PTPRD: variants seen among roughly 807,000 people sequenced by gnomAD.
PTPRD encodes the protein receptor-type tyrosine-protein phosphatase delta.
In PTPRD, 34 loss-of-function variants were observed where a neutral mutation model predicts 214.5. The observed-to-expected ratio is 0.16, with a 90% CI of 0.12 to 0.21. The LOEUF is 0.21. PTPRD is among the 10% of genes least tolerant of loss of function. The pLI, the probability that PTPRD is intolerant of heterozygous loss-of-function variation, is 1.00. For missense variants in PTPRD, 2,545 were observed against 2,398.7 expected (o/e 1.06, Z -1.27); for synonymous variants, 1,128 against 845.7 (o/e 1.33, Z -5.79).
intron 9 of PTPRD, among the ~76,000 whole-genome samples, chr9:9,326,175 A>T (rs1329021754): frequency 1.3e-5 from 2 of 152,138 alleles, no homozygotes; most frequent in Admixed American, 1.3e-4. Flanking sequence ...AGTGTGACTT[A>T]ATGAAGGGAA....
At chr9:8,603,317 GA>G (rs947800272) in intron 14 of PTPRD, among the ~76,000 whole-genome samples, 6 of 151,960 alleles carry the variant, frequency 3.9e-5, no homozygotes, top group South Asian at 2.1e-4. Context: ...AATTGCAAAA[GA>G]AAAAAATCTA....
intron 11 of PTPRD, among the ~76,000 whole-genome samples, chr9:8,946,594 C>T (rs1164245379): frequency 6.6e-6 from 1 of 152,134 alleles, no homozygotes; most frequent in Non-Finnish European, 1.5e-5. Context: ...ATTCTTCTAT[C>T]CCCAAGGAAG....
chr9:9,509,987 A>G (rs1304039867), intron 8 of PTPRD, among the ~76,000 whole-genome samples: 1 of 151,554 alleles, frequency 6.6e-6, no homozygotes, highest in Non-Finnish European at 1.5e-5. Flanking sequence ...ACAAAGCAAG[A>G]AGAGTGAGAA....
intron 3 of PTPRD, among the ~76,000 whole-genome samples, chr9:10,324,638 T>G (rs1189192175): frequency 6.6e-6 from 1 of 152,026 alleles, no homozygotes; most frequent in Non-Finnish European, 1.5e-5. Flanking sequence ...TCCCTATATT[T>G]CACCAAATGC....
chr9:9,897,845 A>G (rs1298665100), intron 5 of PTPRD, among the ~76,000 whole-genome samples: 1 of 152,108 alleles, frequency 6.6e-6, no homozygotes, highest in Non-Finnish European at 1.5e-5. Flanking sequence ...AGCATTGGTA[A>G]GCTTTCCTCT....
intron 7 of PTPRD, among the ~76,000 whole-genome samples, chr9:9,692,777 AT>A (rs913161103): frequency 1.3e-5 from 2 of 151,256 alleles, no homozygotes; most frequent in African/African-American, 4.9e-5. Flanking sequence ...AATTGTTTCC[AT>A]TTTTTTTAGT....
At chr9:8,512,201 G>A (rs1235201958) in intron 21 of PTPRD, among the ~76,000 whole-genome samples, 1 of 151,980 alleles carries the variant, frequency 6.6e-6, no homozygotes, top group Non-Finnish European at 1.5e-5. Context: ...AAAACCGACA[G>A]CCAGAATTAT....
At chr9:9,976,899 T>C (rs1480067810) in intron 4 of PTPRD, among the ~76,000 whole-genome samples, 3 of 151,918 alleles carry the variant, frequency 2.0e-5, no homozygotes, top group African/African-American at 4.8e-5. Flanking sequence ...CACAACAAAT[T>C]TGATTTGGCG....
intron 3 of PTPRD, among the ~76,000 whole-genome samples, chr9:10,071,296 G>A (rs2154179588): frequency 6.6e-6 from 1 of 152,084 alleles, no homozygotes; most frequent in Admixed American, 6.6e-5. Flanking sequence ...TGTGGAAAGG[G>A]AGAAGGCATA....
chr9:8,331,808 A>AAGAACAATCATTTTCATTTCCCGAAAAC, intron 43 of PTPRD, 72 bp from the exon 44 acceptor site: 1 of 1,471,436 alleles, frequency 6.8e-7, no homozygotes. Flanking sequence ...TACGGACCAC[A>AAGAACAATCATTTTCATTTCCCGAAAAC]AGAACAATCA....
chr9:9,762,988 A>G (rs2098673229), intron 6 of PTPRD, among the ~76,000 whole-genome samples: 1 of 152,210 alleles, frequency 6.6e-6, no homozygotes, highest in African/African-American at 2.4e-5. Context: ...GGTGGTTGCC[A>G]TCTTGCTGTG....
intron 9 of PTPRD, among the ~76,000 whole-genome samples, chr9:9,316,560 G>T (rs1963248819): frequency 1.3e-5 from 2 of 152,080 alleles, no homozygotes; most frequent in South Asian, 4.1e-4. Flanking sequence ...CACAAGACCA[G>T]TTTTTACCCT....
chr9:8,624,056 T>C (rs1488950161), intron 14 of PTPRD, among the ~76,000 whole-genome samples: 1 of 151,946 alleles, frequency 6.6e-6, no homozygotes, highest in African/African-American at 2.4e-5. Context: ...GTCTGTGACC[T>C]AGATGTCATA....
intron 2 of PTPRD, among the ~76,000 whole-genome samples, chr9:10,572,152 A>G (rs1781538041): frequency 6.6e-6 from 1 of 152,180 alleles, no homozygotes; most frequent in Non-Finnish European, 1.5e-5. Flanking sequence ...ATGTATGACT[A>G]AGAACTCATG....
At chr9:9,435,223 G>A (rs1007183130) in intron 8 of PTPRD, among the ~76,000 whole-genome samples, 5 of 151,980 alleles carry the variant, frequency 3.3e-5, no homozygotes, top group African/African-American at 1.2e-4. Flanking sequence ...TAAAACGCCA[G>A]GACCCGGCTG....
At chr9:8,475,040 T>A (rs960822459) in intron 30 of PTPRD, among the ~76,000 whole-genome samples, 4 of 152,062 alleles carry the variant, frequency 2.6e-5, no homozygotes, top group African/African-American at 4.8e-5. Context: ...ACAAACCACA[T>A]CCCACTCTAG....
chr9:9,947,982 T>C (rs2093006947), intron 4 of PTPRD, among the ~76,000 whole-genome samples: 1 of 151,852 alleles, frequency 6.6e-6, no homozygotes, highest in Admixed American at 6.6e-5. Flanking sequence ...TGCAGGAATA[T>C]CCTGGTAGCA....
chr9:8,590,260 T>C (rs1209257990), intron 14 of PTPRD, among the ~76,000 whole-genome samples: 1 of 152,156 alleles, frequency 6.6e-6, no homozygotes, highest in Non-Finnish European at 1.5e-5. Flanking sequence ...AAGTTCTAAA[T>C]ATGACATAAG....
At chr9:10,029,217 G>A (rs1351416605) in intron 4 of PTPRD, among the ~76,000 whole-genome samples, 2 of 152,178 alleles carry the variant, frequency 1.3e-5, no homozygotes, top group Non-Finnish European at 2.9e-5. Context: ...GAAGTTTGCT[G>A]CAGGGGTGGG....
Sources: gnomAD v4.1 joint callset for allele counts (sites outside exome capture counted in the v4.1 genomes callset) on GRCh38, gnomAD v4.1.1 for gene constraint, MANE v1.5 for transcripts, NCBI Gene and HGNC (gene_info 2026-07-23, HGNC 2026-07-21) for gene names.